The following EBF3 variants were observed in gnomAD, a reference collection of about 807,000 sequenced individuals.
The protein encoded by EBF3 is EBF transcription factor 3, also known as transcription factor COE3.
In EBF3, 18 loss-of-function variants were observed where a neutral mutation model predicts 77.1. The ratio of observed to expected loss-of-function variants is 0.23; its 90% confidence interval spans 0.16 to 0.35. The LOEUF (loss-of-function observed/expected upper bound fraction) is 0.35. EBF3 is among the 10% of genes least tolerant of loss of function. EBF3 has a pLI of 1.00. For missense variants in EBF3, 558 were observed against 860.0 expected (o/e 0.65, Z 4.39); for synonymous variants, 350 against 343.5 (o/e 1.02, Z -0.21).
intron 8 of EBF3, 145 bp downstream of exon 8, chr10:129,873,307 G>A: frequency 1.0e-6 from 1 of 995,574 alleles, no homozygotes; most frequent in African/African-American, 1.7e-5. Context: ...TCCACCTCGG[G>A]GACACCCCCT....
chr10:129,958,794 G>T, intron 5 of EBF3, 140 bp downstream of exon 5: 1 of 1,151,396 alleles, frequency 8.7e-7, no homozygotes, highest in Non-Finnish European at 1.2e-6. Flanking sequence ...GGCCCGGCGC[G>T]CGGCCTCGGG....
intron 4 of EBF3, among the ~76,000 whole-genome samples, chr10:129,961,068 C>A (rs1859478983): frequency 6.6e-6 from 1 of 152,180 alleles, no homozygotes; most frequent in Non-Finnish European, 1.5e-5. Context: ...TAGGTAAGGA[C>A]AAACTTTTTA....
intron 5 of EBF3, among the ~76,000 whole-genome samples, chr10:129,958,607 G>C (rs932454501): frequency 1.3e-5 from 2 of 152,190 alleles, no homozygotes; most frequent in African/African-American, 4.8e-5. Flanking sequence ...GAAGGAAGTA[G>C]TAAAATGATT....
chr10:129,928,042 G>T (rs1190052513), intron 6 of EBF3, among the ~76,000 whole-genome samples: 3 of 152,170 alleles, frequency 2.0e-5, no homozygotes, highest in African/African-American at 4.8e-5. Flanking sequence ...TGGCAGAAAT[G>T]AGATCTAACA....
chr10:129,895,254 C>T (rs1419393546), intron 6 of EBF3, among the ~76,000 whole-genome samples: 1 of 152,252 alleles, frequency 6.6e-6, no homozygotes, highest in Non-Finnish European at 1.5e-5. Context: ...TGGGAAGCCA[C>T]CTGGCTGCTC....
At position 129,941,290 on chromosome 10, in the gene EBF3, G is replaced by A. The variant is rs1025454038; in HGVS notation, c.554+15968C>T. ...GGCAGCAAGGGGTGTCAGATGAGCC[G>A]GGCTGGAGCTCCGCACCCTTGCTCA... On this transcript the variant is annotated intron_variant, in intron 6 of 16. Transcript: ENST00000440978. Among the ~76,000 whole-genome samples the A allele has an allele frequency of 5.9e-5, 9 of 152,316 alleles. No individual in the cohort carries two copies. The South Asian group carries it at 8.3e-4, about 14-fold the overall frequency.
At chr10:129,843,479 G>A (rs912102247) in intron 11 of EBF3, 8 of 394,350 alleles carry the variant, frequency 2.0e-5, no homozygotes, top group African/African-American at 8.0e-5. Context: ...CGGGAGGGCC[G>A]GCGGAGAACG....
chr10:129,858,207 C>T (rs1356789604), intron 10 of EBF3, among the ~76,000 whole-genome samples: 1 of 152,220 alleles, frequency 6.6e-6, no homozygotes, highest in Non-Finnish European at 1.5e-5. Context: ...CAGCCCAATA[C>T]CCTCCGTGGT....
At chr10:129,843,744 A>C (rs114283525) in intron 11 of EBF3, among the ~76,000 whole-genome samples, 2 of 152,358 alleles carry the variant, frequency 1.3e-5, no homozygotes, top group East Asian at 3.9e-4. Flanking sequence ...TGAACAATAA[A>C]GTGAATTAAC....
chr10:129,848,363 A>C lies in EBF3; in HGVS notation c.1128+29T>G, dbSNP rs2133981191. On this transcript the variant is annotated intron_variant, in intron 11 of 16. Transcript: ENST00000440978. The surrounding 1 kb of genome is among the most constrained non-coding windows in gnomAD (Gnocchi z 4.4). Reference sequence around the variant, plus strand: ...CCAGCCCAGTGGCGGCCCCACCATGAGCGGGGTGCCACTTGCTCTTTTACT... The same window carrying C: ...CCAGCCCAGTGGCGGCCCCACCATGCGCGGGGTGCCACTTGCTCTTTTACT... 6.2e-7 allele frequency: 1 copy of C among 1,606,470 alleles called. No individual in the cohort carries two copies. Among genetic ancestry groups the C allele is most frequent in the African/African-American group, 1.3e-5 (1 of 74,838 alleles).
chr10:129,859,334 G>A (rs140466236), intron 10 of EBF3, among the ~76,000 whole-genome samples: 49 of 152,202 alleles, frequency 3.2e-4, no homozygotes, highest in African/African-American at 1.1e-3. Context: ...AGATTCTCCC[G>A]TCTCAGCCTC....
chr10:129,850,951 CAG>C (rs1269834271), intron 10 of EBF3, among the ~76,000 whole-genome samples: 1 of 152,222 alleles, frequency 6.6e-6, no homozygotes, highest in African/African-American at 2.4e-5. Context: ...CCTCCGCACG[CAG>C]AGTTTACGGG....
At chr10:129,958,813 A>C in intron 5 of EBF3, 121 bp downstream of exon 5, 1 of 1,342,182 alleles carries the variant, frequency 7.5e-7, no homozygotes, top group Non-Finnish European at 9.8e-7. Flanking sequence ...GGCCGATTAC[A>C]TTTCAATCGA....
Position 129,870,507 on chromosome 10 carries a change from G to A in EBF3, c.782-2595C>T, listed in dbSNP as rs561856173. On this transcript the variant is annotated intron_variant, in intron 8 of 16. Transcript: ENST00000440978. The surrounding 1 kb of genome is among the most constrained non-coding windows in gnomAD (Gnocchi z 4.4). Reference sequence around the variant, plus strand: ...GTGGCCCACCCTCCTGGGGCCCCGAGCTGCCAGGGTCCAGAGAAAGGAGGC... The same window carrying A: ...GTGGCCCACCCTCCTGGGGCCCCGAACTGCCAGGGTCCAGAGAAAGGAGGC... 3.3e-5 allele frequency among the ~76,000 whole-genome samples: 5 copies of A among 152,230 alleles called. No individual in the cohort carries two copies. The South Asian group carries it at 8.3e-4, about 25-fold the overall frequency.
intron 6 of EBF3, among the ~76,000 whole-genome samples, chr10:129,913,972 G>A (rs555961497): frequency 6.6e-6 from 1 of 152,362 alleles, no homozygotes; most frequent in African/African-American, 2.4e-5. Flanking sequence ...GGATGACCAT[G>A]GTCTCTCGTC....
chr10:129,952,210 T>C lies in EBF3; in HGVS notation c.554+5048A>G, dbSNP rs541612883. ...CTCCAGGACCCCAAGGCCTATCCAATGATAATTATATTCACATCTTTAAGA... is the reference window on the plus strand; with the variant it reads ...CTCCAGGACCCCAAGGCCTATCCAACGATAATTATATTCACATCTTTAAGA... On this transcript the variant is annotated intron_variant, in intron 6 of 16. Coordinates refer to ENST00000440978, the MANE Select transcript of EBF3 (RefSeq NM_001375380.1). This position sits in a 1 kb window ranked among gnomAD's most constrained non-coding sequence, Gnocchi z 4.7. Among the ~76,000 whole-genome samples the C allele has an allele frequency of 7.9e-5, 12 of 152,362 alleles. No individual in the cohort carries two copies. Among genetic ancestry groups the C allele is most frequent in the Middle Eastern group, 3.4e-3 (1 of 294 alleles).
chr10:129,869,005 G>C (rs1310183337), intron 8 of EBF3, among the ~76,000 whole-genome samples: 1 of 152,204 alleles, frequency 6.6e-6, no homozygotes, highest in Non-Finnish European at 1.5e-5. Context: ...GGTTACCTTT[G>C]GTGCACAAGG....
At chr10:129,866,753 G>C (rs1016405959) in intron 10 of EBF3, among the ~76,000 whole-genome samples, 1 of 152,186 alleles carries the variant, frequency 6.6e-6, no homozygotes, top group Non-Finnish European at 1.5e-5. Flanking sequence ...TGACACCACG[G>C]GGAAGAGGCA....
intron 15 of EBF3, among the ~76,000 whole-genome samples, chr10:129,839,834 GA>G (rs1849886046): frequency 2.0e-5 from 3 of 150,958 alleles, no homozygotes; most frequent in Non-Finnish European, 4.4e-5. Context: ...GCAAGCCCAG[GA>G]GCTATGGGCA....
Sources: gnomAD v4.1 joint callset for allele counts (sites outside exome capture counted in the v4.1 genomes callset) on GRCh38, gnomAD v4.1.1 for gene constraint, Gnocchi (gnomAD v3.1) non-coding constraint, MANE v1.5 for transcripts, NCBI Gene and HGNC (gene_info 2026-07-23, HGNC 2026-07-21) for gene names.